MTFMT: variants seen among roughly 807,000 people sequenced by gnomAD.
The protein encoded by MTFMT is methionyl-tRNA formyltransferase, mitochondrial.
In MTFMT, 47 loss-of-function variants were observed where a neutral mutation model predicts 51.8. The ratio of observed to expected loss-of-function variants is 0.91; its 90% CI spans 0.72 to 1.16. The LOEUF is 1.16. Among genes scored for constraint, MTFMT ranks in the 50% most tolerant of loss-of-function variants. MTFMT has a pLI of 0.00. For missense variants in MTFMT, 512 were observed against 482.3 expected (o/e 1.06, Z -0.58); for synonymous variants, 196 against 176.7 (o/e 1.11, Z -0.87).
chr15:65,023,727 C>G lies in MTFMT; in HGVS notation c.487G>C (p.Val163Leu). The G allele has an allele frequency of 6.2e-7, 1 of 1,613,752 alleles. No homozygotes were observed. ...WRGPAPVIHT[V>L]LHGDTVTGVT... ...CCAGTAACTGTGTCTCCGTGAAGCA[C>G]TGTATGGATTACAGGGGCTGGGCCA... The change falls in exon 3 of 9, where the codon GTG (valine) becomes CTG (leucine). Residue 163 changes from valine to leucine, a missense_variant. Val to Leu is a conservative substitution (Grantham distance 32). Transcript: ENST00000220058.
chr15:65,029,155 G>C (rs2140493186), intron 1 of MTFMT: 1 of 559,752 alleles, frequency 1.8e-6, no homozygotes. Context: ...CAGCGTGGGT[G>C]GCAGGGCGCC....
chr15:65,020,578 T>C (rs929715821), intron 4 of MTFMT, among the ~76,000 whole-genome samples: 2 of 152,162 alleles, frequency 1.3e-5, no homozygotes, highest in African/African-American at 2.4e-5. Context: ...GAGAATGCTG[T>C]GGAAGCTTTG....
At chr15:65,014,262 CAGT>C (rs1236560161) in intron 6 of MTFMT, among the ~76,000 whole-genome samples, 2 of 151,880 alleles carry the variant, frequency 1.3e-5, no homozygotes, top group East Asian at 3.9e-4. Context: ...AAATAACCTC[CAGT>C]TATTCTATCA....
rs770632250 is a variant in MTFMT, at chr15:65,021,550, T to C, written c.609A>G (p.Glu203=). Residue 203 remains glutamate (E), a synonymous_variant, in exon 4 of 9, where the codon GAA becomes GAG. Coordinates refer to ENST00000220058, the MANE Select transcript of MTFMT (RefSeq NM_139242.4). ...CCAGTCTTGACAACACTGCTTCCAA[T>C]TCCTTTGCAGTGCTCTTGGGTGGCA... The part of the protein sequence containing the change: ...VPVPPKSTAK[E]LEAVLSRLGA... The C allele has an allele frequency of 1.9e-6, 3 of 1,610,310 alleles. No individual in the cohort carries two copies. The South Asian group carries it at 3.3e-5, about 18-fold the overall frequency.
At chr15:65,009,664 T>G (rs1216986912) in intron 6 of MTFMT, among the ~76,000 whole-genome samples, 1 of 135,470 alleles carries the variant, frequency 7.4e-6, no homozygotes, top group African/African-American at 2.8e-5. Flanking sequence ...TTTAATTTTT[T>G]TTTTTAAAGA....
chr15:65,010,648 T>C (rs2086256485), intron 6 of MTFMT, among the ~76,000 whole-genome samples: 1 of 152,200 alleles, frequency 6.6e-6, no homozygotes, highest in Non-Finnish European at 1.5e-5. Flanking sequence ...CCATTCTGAA[T>C]AATGCTGCTA....
At chr15:65,004,042 G>T (rs2086201471) in intron 8 of MTFMT, among the ~76,000 whole-genome samples, 1 of 151,246 alleles carries the variant, frequency 6.6e-6, no homozygotes, top group African/African-American at 2.4e-5. Context: ...TTGAGATGGA[G>T]TTTCGCTCTT....
intron 6 of MTFMT, among the ~76,000 whole-genome samples, chr15:65,014,321 G>C (rs2086297281): frequency 1.5e-5 from 2 of 129,356 alleles, no homozygotes; most frequent in South Asian, 2.5e-4. Flanking sequence ...CACACTATTT[G>C]ATTTTTTTTT....
rs752352135 is a variant in MTFMT at position 65,027,001 on chromosome 15, C to G, written c.249G>C (p.Val83=). ...TTGGTGATGGGGAAGGCATTGTGAC[C>G]ACCTCCAGTTTGTCGATTAACTCTT... is the stretch of plus-strand genomic sequence containing the variant. The part of the protein sequence containing the change: ...KEEELIDKLE[V]VTMPSPSPKG... Residue 83 remains valine (V), a synonymous_variant, in exon 2 of 9, where the codon GTG becomes GTC. Transcript: ENST00000220058. 1 of 1,613,936 alleles carries G rather than the reference C, an allele frequency of 6.2e-7. No individual in the cohort carries two copies. The highest frequency in any genetic ancestry group is 1.1e-5 in the South Asian group (1 of 91,078).
chr15:65,023,694 T>C lies in MTFMT; in HGVS notation c.520A>G (p.Ile174Val), dbSNP rs199841088. The C allele has an allele frequency of 9.0e-5, 145 of 1,613,724 alleles. No homozygotes were observed. The highest frequency in any genetic ancestry group is 1.2e-4 in the Admixed American group (7 of 60,022). ...LHGDTVTGVT[I>V]MQIRPKRFDV... is the part of the protein sequence containing the mutation. ...TACCTTTTAGGTCTAATTTGCATAA[T>C]TGTTACTCCAGTAACTGTGTCTCCG... Residue 174 changes from isoleucine (I) to valine (V), a missense_variant, in exon 3 of 9, where the codon ATT (isoleucine) becomes GTT (valine). Coordinates refer to ENST00000220058, the MANE Select transcript of MTFMT (RefSeq NM_139242.4).
chr15:65,012,016 AT>A (rs1201279082), intron 6 of MTFMT, among the ~76,000 whole-genome samples: 1 of 151,178 alleles, frequency 6.6e-6, no homozygotes, highest in Non-Finnish European at 1.5e-5. Context: ...ACTTTTACAT[AT>A]GATGTGACAT....
rs1292330470 is a variant in MTFMT, at chr15:65,029,615, G to T, written c.-2C>A. 2.9e-6 allele frequency: 4 copies of T among 1,388,284 alleles called. No homozygotes were observed. The African/African-American group carries it at 4.5e-5, about 16-fold the overall frequency. 86.0% of individuals were successfully genotyped at this position (1,388,284 alleles called of 1,614,324 possible). On this transcript the variant is annotated 5_prime_UTR_variant, in exon 1 of 9. Coordinates refer to ENST00000220058, the MANE Select transcript of MTFMT (RefSeq NM_139242.4). ...ACAGCGCCGCACCAACACCCTCATC[G>T]CCTCGGCCGCCGGCGGCCGGCCCTG...
chr15:65,024,924 T>C (rs910308466), intron 2 of MTFMT, among the ~76,000 whole-genome samples: 1 of 152,222 alleles, frequency 6.6e-6, no homozygotes, highest in African/African-American at 2.4e-5. Flanking sequence ...CGCATATATA[T>C]GGGAGAAAAG....
In MTFMT at chr15:65,023,757, A is replaced by ATCTC. The variant is rs1566944026; in HGVS notation, c.453_456dup (p.Trp153GlufsTer27). 6.2e-7 allele frequency: 1 copy of ATCTC among 1,613,124 alleles called. No individual in the cohort carries two copies. Among genetic ancestry groups the ATCTC allele is most frequent in the Non-Finnish European group, 8.5e-7 (1 of 1,179,408 alleles). On this transcript the variant is annotated frameshift_variant, in exon 3 of 9. Transcript: ENST00000220058. LOFTEE classifies it high-confidence loss of function. ...TGGATTACAGGGGCTGGGCCACGCC[A>ATCTC]TCTCGGGAGGCAACTGGGATGAACA...
chr15:65,008,110 T>C (rs1026653031), intron 6 of MTFMT, among the ~76,000 whole-genome samples: 3 of 152,182 alleles, frequency 2.0e-5, no homozygotes, highest in Non-Finnish European at 4.4e-5. Context: ...TATATTTTGA[T>C]TTTTTTATTA....
chr15:65,021,448 C>A, intron 4 of MTFMT, 66 bp downstream of exon 4: 1 of 1,203,054 alleles, frequency 8.3e-7, no homozygotes, highest in Non-Finnish European at 1.2e-6. Flanking sequence ...AATTGTTCTT[C>A]TTTTTATAAC....
chr15:65,022,309 C>T lies in MTFMT; in HGVS notation c.543-693G>A, dbSNP rs2946661. 3.5e-3 allele frequency among the ~76,000 whole-genome samples: 537 copies of T among 152,086 alleles called. 1 individual carries two copies. Among genetic ancestry groups the T allele is most frequent in the African/African-American group, 0.012 (514 of 41,506 alleles). On this transcript the variant is annotated intron_variant, in intron 3 of 8. Transcript: ENST00000220058. ...TCTACTAAAAATACAAAAAATTAGC[C>T]GGGCATGGTAGCGTGTGCCTGTAGT... is the stretch of plus-strand genomic sequence containing the variant.
chr15:65,011,485 C>CTTTT lies in MTFMT; in HGVS notation c.813+4947_813+4950dup, dbSNP rs536213292. Among the ~76,000 whole-genome samples, 32 of 74,096 alleles carry CTTTT rather than the reference C, an allele frequency of 4.3e-4. 5 individuals are homozygous for CTTTT. The highest frequency in any genetic ancestry group is 1.2e-3 in the African/African-American group (19 of 15,366). 48.6% of individuals were successfully genotyped at this position (74,096 alleles called of 152,430 possible). On this transcript the variant is annotated intron_variant, in intron 6 of 8. Transcript: ENST00000220058. ...TATTCCCTCCCATTCTGTAAGCTGTCTTTTTTTTTTTTTTTTTTTTTTTTT... is the reference window on the plus strand; with the variant it reads ...TATTCCCTCCCATTCTGTAAGCTGTCTTTTTTTTTTTTTTTTTTTTTTTTTTTTT...
intron 1 of MTFMT, among the ~76,000 whole-genome samples, chr15:65,027,479 G>A (rs140475715): frequency 3.5e-3 from 527 of 152,136 alleles, no homozygotes; most frequent in African/African-American, 0.012. Context: ...GATTACAGGC[G>A]TGAACACCGT....
Sources: gnomAD v4.1 joint callset for allele counts (sites outside exome capture counted in the v4.1 genomes callset) on GRCh38, gnomAD v4.1.1 for gene constraint, MANE v1.5 for transcripts, NCBI Gene and HGNC (gene_info 2026-07-23, HGNC 2026-07-21) for gene names.